Variants in PIK3CB observed in about 807,000 individuals in gnomAD.
The protein encoded by PIK3CB is phosphatidylinositol 4,5-bisphosphate 3-kinase catalytic subunit beta isoform.
A neutral mutation model predicts 136.8 loss-of-function variants in PIK3CB; 39 were observed. The ratio of observed to expected loss-of-function variants is 0.29; its 90% confidence interval spans 0.22 to 0.37. PIK3CB has a LOEUF of 0.37. Among genes scored for constraint, PIK3CB ranks in the 10% least tolerant of loss-of-function variants. PIK3CB has a pLI of 1.00. For synonymous variants in PIK3CB, 428 were observed against 436.6 expected, an observed-to-expected ratio of 0.98 and a Z score of 0.25; for missense variants, 868 against 1,275.4, an observed-to-expected ratio of 0.68 and a Z score of 4.87.
At chr3:138,814,107 AAAG>A (rs1365807218) in intron 1 of PIK3CB, among the ~76,000 whole-genome samples, 3 of 152,160 alleles carry the variant, frequency 2.0e-5, no homozygotes, top group African/African-American at 7.2e-5. Flanking sequence ...GGAGGGACAG[AAAG>A]AAAAGACAAC....
At chr3:138,706,500 G>T (rs982777292) in intron 11 of PIK3CB, among the ~76,000 whole-genome samples, 4 of 152,152 alleles carry the variant, frequency 2.6e-5, no homozygotes, top group Non-Finnish European at 4.4e-5. Context: ...TTCTAATACA[G>T]CAGTGACTAT....
chr3:138,762,113 G>A (rs1045570637), intron 2 of PIK3CB, among the ~76,000 whole-genome samples: 3 of 151,876 alleles, frequency 2.0e-5, no homozygotes, highest in Non-Finnish European at 2.9e-5. Context: ...GCCAGGCATG[G>A]TGGTTCAAGC....
intron 6 of PIK3CB, among the ~76,000 whole-genome samples, chr3:138,737,131 G>T (rs1390463394): frequency 6.6e-6 from 1 of 152,076 alleles, no homozygotes; most frequent in South Asian, 2.1e-4. Context: ...GCTTATGGCT[G>T]TAATCTCAGC....
At chr3:138,803,164 C>T (rs1260890225) in intron 1 of PIK3CB, among the ~76,000 whole-genome samples, 1 of 152,130 alleles carries the variant, frequency 6.6e-6, no homozygotes, top group African/African-American at 2.4e-5. Flanking sequence ...TCCAGTCTTC[C>T]ACCAGAATAA....
chr3:138,718,751 C>G (rs1399743744), intron 8 of PIK3CB, among the ~76,000 whole-genome samples: 1 of 152,182 alleles, frequency 6.6e-6, no homozygotes, highest in African/African-American at 2.4e-5. Flanking sequence ...CAGCTTCAAT[C>G]ATCTACATAC....
chr3:138,707,459 A>T, intron 10 of PIK3CB, 170 bp from the exon 11 acceptor site: 1 of 1,355,906 alleles, frequency 7.4e-7, no homozygotes, highest in East Asian at 3.0e-5. Flanking sequence ...TGCTTGGAAC[A>T]AAATTTCAGT....
At chr3:138,708,268 T>C (rs919071681) in intron 10 of PIK3CB, among the ~76,000 whole-genome samples, 1 of 143,154 alleles carries the variant, frequency 7.0e-6, no homozygotes, top group Non-Finnish European at 1.5e-5. Context: ...TTTTTCTTTT[T>C]TTTTTTTTTT....
chr3:138,759,847 A>G (rs1432843417), intron 2 of PIK3CB, among the ~76,000 whole-genome samples: 1 of 152,140 alleles, frequency 6.6e-6, no homozygotes, highest in Non-Finnish European at 1.5e-5. Context: ...TGCAAATTCC[A>G]ATGAAAATGA....
intron 5 of PIK3CB, among the ~76,000 whole-genome samples, chr3:138,738,110 A>G (rs1028178465): frequency 5.3e-5 from 8 of 152,168 alleles, no homozygotes; most frequent in Non-Finnish European, 1.5e-5. Flanking sequence ...CATAGTGCAC[A>G]GCTTCCACAG....
intron 9 of PIK3CB, among the ~76,000 whole-genome samples, chr3:138,712,930 C>A (rs1205264531): frequency 3.3e-5 from 5 of 151,994 alleles, no homozygotes; most frequent in African/African-American, 1.2e-4. Context: ...GTTTTAAGAG[C>A]TTTCAACCTA....
intron 8 of PIK3CB, among the ~76,000 whole-genome samples, chr3:138,732,761 A>G (rs911751701): frequency 2.0e-5 from 3 of 150,700 alleles, no homozygotes; most frequent in Non-Finnish European, 4.4e-5. Flanking sequence ...GGTTCAGTGC[A>G]GCTCTAGGCA....
chr3:138,803,578 G>A (rs1005151294), intron 1 of PIK3CB, among the ~76,000 whole-genome samples: 1 of 152,146 alleles, frequency 6.6e-6, no homozygotes, highest in Non-Finnish European at 1.5e-5. Context: ...GCAGCAGCAC[G>A]TGGGCCAAGG....
At chr3:138,729,480 T>G (rs2044922468) in intron 8 of PIK3CB, among the ~76,000 whole-genome samples, 1 of 152,194 alleles carries the variant, frequency 6.6e-6, no homozygotes. Flanking sequence ...CCCTCCCTGA[T>G]GTAGGCTAGC....
chr3:138,823,444 C>A (rs1396603434), intron 1 of PIK3CB, among the ~76,000 whole-genome samples: 1 of 150,764 alleles, frequency 6.6e-6, no homozygotes, highest in East Asian at 1.9e-4. Context: ...GTGGCTCACG[C>A]CTGAAATCCC....
intron 2 of PIK3CB, among the ~76,000 whole-genome samples, chr3:138,769,496 C>T (rs1266086850): frequency 2.6e-5 from 4 of 151,990 alleles, no homozygotes; most frequent in Admixed American, 2.0e-4. Flanking sequence ...ACAAATTTAC[C>T]GAAGAGATAT....
chr3:138,795,890 C>A (rs2046103725), intron 2 of PIK3CB, among the ~76,000 whole-genome samples: 1 of 152,156 alleles, frequency 6.6e-6, no homozygotes, highest in African/African-American at 2.4e-5. Context: ...GAATTCCTAA[C>A]TGTCAAATCC....
intron 1 of PIK3CB, among the ~76,000 whole-genome samples, chr3:138,799,880 T>C (rs2046152884): frequency 6.6e-6 from 1 of 152,064 alleles, no homozygotes; most frequent in African/African-American, 2.4e-5. Context: ...GGTTTTGCCA[T>C]GTTGCCCAGG....
At position 138,825,974 on chromosome 3, in the gene PIK3CB, A is replaced by G. The variant is rs753857301; in HGVS notation, c.-122+8721T>C. On this transcript the variant is annotated intron_variant, in intron 1 of 23. Transcript: ENST00000674063. ...AGCAGCTGGCTTCACTGCTCAAGTG[A>G]TTATCCTGAACCATTCAGGCCAAAT... 16 of 1,558,992 alleles carry G rather than the reference A, an allele frequency of 1.0e-5. No individual in the cohort carries two copies. In the South Asian group the frequency reaches 1.2e-4, roughly 12 times the overall value.
chr3:138,780,709 T>C (rs1314177363), intron 2 of PIK3CB, among the ~76,000 whole-genome samples: 1 of 152,110 alleles, frequency 6.6e-6, no homozygotes, highest in African/African-American at 2.4e-5. Context: ...CTCACTGTCA[T>C]GCAGGCTGGA....
Sources: allele counts gnomAD v4.1 joint callset (sites outside exome capture counted in the v4.1 genomes callset), GRCh38; gene constraint gnomAD v4.1.1; transcripts MANE v1.5; gene names NCBI Gene and HGNC (gene_info 2026-07-23, HGNC 2026-07-21).